Variants in REPS2 observed in about 807,000 individuals in gnomAD.
The protein encoded by REPS2 is RALBP1 associated Eps domain containing 2, also known as ralBP1-associated Eps domain-containing protein 2.
In REPS2, 23 loss-of-function variants were observed where a neutral mutation model predicts 53.6. The ratio of observed to expected loss-of-function variants is 0.43; its 90% CI spans 0.31 to 0.61. REPS2 has a LOEUF of 0.61. Among genes scored for constraint, REPS2 ranks in the 20% least tolerant of loss-of-function variants. REPS2 has a pLI of 0.11. For synonymous variants in REPS2, 238 were observed against 218.6 expected (o/e 1.09, Z -0.78); for missense variants, 446 against 534.9 (o/e 0.83, Z 1.64).
intron 1 of REPS2, among the ~76,000 whole-genome samples, chrX:16,981,944 C>T (rs777109992): frequency 9.0e-6 from 1 of 111,554 alleles, no homozygotes; most frequent in South Asian, 3.8e-4. Context: ...ACCTCATACG[C>T]TTTAGCAGTC....
rs145031353 is a variant in REPS2, at chrX:16,952,596, C to T, written c.273+5462C>T. ...TTTAAACAATTTGTGCGCATGCCCTCACCTTTGGGGAGAAGTCTTTTCTGA... is the reference window on the plus strand; with the variant it reads ...TTTAAACAATTTGTGCGCATGCCCTTACCTTTGGGGAGAAGTCTTTTCTGA... On this transcript the variant is annotated intron_variant, in intron 1 of 17. Coordinates refer to ENST00000357277, the MANE Select transcript of REPS2 (RefSeq NM_004726.3). Among the ~76,000 whole-genome samples, 552 of 112,009 alleles carry T rather than the reference C, an allele frequency of 4.9e-3. 5 individuals carry two copies. Among genetic ancestry groups the T allele is most frequent in the African/African-American group, 0.016 (505 of 30,836 alleles).
chrX:17,091,747 T>C (rs1257194739), intron 13 of REPS2, among the ~76,000 whole-genome samples: 1 of 110,808 alleles, frequency 9.0e-6, no homozygotes, highest in Non-Finnish European at 1.9e-5. Flanking sequence ...ATGACATACA[T>C]GTCCATCACT....
chrX:16,997,600 T>A (rs185879088), intron 1 of REPS2, among the ~76,000 whole-genome samples: 1 of 112,846 alleles, frequency 8.9e-6, no homozygotes, highest in Non-Finnish European at 1.9e-5. Context: ...ACAAAAGTCA[T>A]AAGAGATCAC....
chrX:17,026,000 A>G (rs1330763088), intron 4 of REPS2, among the ~76,000 whole-genome samples: 2 of 111,976 alleles, frequency 1.8e-5, no homozygotes, highest in Non-Finnish European at 3.8e-5. Flanking sequence ...TTTTTACTGC[A>G]TTAAAAATAG....
chrX:16,946,900 A>G lies in REPS2; in HGVS notation c.39A>G (p.Ala13=), dbSNP rs1047952328. The part of the protein sequence containing the change: ...AAAAAAAAAA[A]AAAAGGGCGS... ...CGGCGGCGGCGGCGGCGGCAGCGGC[A>G]GCGGCAGCGGCGGGCGGGGGCTGTG... Residue 13 remains alanine, a synonymous_variant, in exon 1 of 18, where the codon GCA becomes GCG. Coordinates refer to ENST00000357277, the MANE Select transcript of REPS2 (RefSeq NM_004726.3). 954 of 774,534 alleles carry G rather than the reference A, an allele frequency of 1.2e-3. 6 individuals carry two copies. The African/African-American group carries it at 0.021, about 17-fold the overall frequency. The allele number at this position is 774,534 out of a possible 1,213,427, so 63.8% of individuals were successfully genotyped here. A position where few individuals can be genotyped will look rare whatever the true frequency, so the allele number is the denominator to read the frequency against.
intron 1 of REPS2, among the ~76,000 whole-genome samples, chrX:16,949,568 C>T (rs778600304): frequency 7.2e-5 from 8 of 111,417 alleles, no homozygotes; most frequent in Non-Finnish European, 1.5e-4. Flanking sequence ...CCACCTCTCC[C>T]GGCTAATTTT....
At chrX:16,980,878 TAAGA>T (rs2061012679) in intron 1 of REPS2, among the ~76,000 whole-genome samples, 3 of 112,207 alleles carry the variant, frequency 2.7e-5, no homozygotes, top group Non-Finnish European at 3.8e-5. Flanking sequence ...GATCGCAGTT[TAAGA>T]AAGAGTTTCC....
intron 1 of REPS2, among the ~76,000 whole-genome samples, chrX:16,987,281 C>T (rs183005918): frequency 9.1e-6 from 1 of 110,280 alleles, no homozygotes. Context: ...CATGTAGCAC[C>T]TTGCTGCCCA....
chrX:16,981,743 G>A (rs1044783574), intron 1 of REPS2, among the ~76,000 whole-genome samples: 1 of 112,180 alleles, frequency 8.9e-6, no homozygotes, highest in Admixed American at 9.5e-5. Flanking sequence ...GAAAAAAAAG[G>A]ATGACAACAA....
chrX:16,949,861 T>C (rs889394990), intron 1 of REPS2, among the ~76,000 whole-genome samples: 3 of 111,429 alleles, frequency 2.7e-5, no homozygotes, highest in African/African-American at 9.8e-5. Flanking sequence ...GTTTTTACAA[T>C]TGATGAACCT....
At chrX:16,952,323 C>T (rs1415784765) in intron 1 of REPS2, among the ~76,000 whole-genome samples, 1 of 111,598 alleles carries the variant, frequency 9.0e-6, no homozygotes, top group Non-Finnish European at 1.9e-5. Flanking sequence ...TGAGAACATG[C>T]GGTGTTTGGT....
intron 10 of REPS2, among the ~76,000 whole-genome samples, 188 bp from the exon 11 acceptor site, chrX:17,069,752 C>T (rs112640825): frequency 3.6e-5 from 4 of 111,810 alleles, no homozygotes; most frequent in African/African-American, 1.3e-4. Context: ...TATTTCCATA[C>T]TCCAGGAGGT....
At chrX:17,029,174 G>A (rs2061679675) in intron 4 of REPS2, among the ~76,000 whole-genome samples, 2 of 111,308 alleles carry the variant, frequency 1.8e-5, no homozygotes, top group South Asian at 7.5e-4. Context: ...TACTTAGGGG[G>A]GATATATAGA....
At chrX:17,048,001 T>C (rs1300209746) in intron 6 of REPS2, among the ~76,000 whole-genome samples, 1 of 112,848 alleles carries the variant, frequency 8.9e-6, no homozygotes, top group Non-Finnish European at 1.9e-5. Context: ...TTCTGGGTTG[T>C]CTTCAGATAT....
intron 13 of REPS2, among the ~76,000 whole-genome samples, chrX:17,094,207 C>T (rs1305339012): frequency 1.8e-5 from 2 of 112,049 alleles, no homozygotes; most frequent in African/African-American, 6.5e-5. Flanking sequence ...ATCATGCAGG[C>T]TGCTAGTCTT....
chrX:17,101,668 G>A (rs1010761518), intron 13 of REPS2, among the ~76,000 whole-genome samples: 27 of 111,796 alleles, frequency 2.4e-4, no homozygotes, highest in African/African-American at 7.8e-4. Context: ...AATGAGATCC[G>A]AATCAGGATC....
rs900082438 is a variant in REPS2, at chrX:17,024,363, GTTTTTT to G, written c.547-677_547-672del. Among the ~76,000 whole-genome samples the G allele has an allele frequency of 6.7e-3, 480 of 71,675 alleles. 4 individuals carry two copies. The highest frequency in any genetic ancestry group is 0.021 in the African/African-American group (381 of 18,514). The allele number at this position is 71,675 out of a possible 115,157, so 62.2% of individuals were successfully genotyped here. ...CCAAAGTTACCAGTCTACTAGTAAA[GTTTTTT>G]TTTTTTTTTTTTTTTTTTAAAGAGG... is the stretch of plus-strand genomic sequence containing the variant. On this transcript the variant is annotated intron_variant, in intron 3 of 17. Transcript: ENST00000357277.
chrX:17,008,554 G>A (rs2061389756), intron 2 of REPS2, among the ~76,000 whole-genome samples: 1 of 111,747 alleles, frequency 8.9e-6, no homozygotes, highest in African/African-American at 3.3e-5. Flanking sequence ...AGTTAATTCT[G>A]AATTATCTTC....
At chrX:17,029,308 A>G (rs893014347) in intron 4 of REPS2, among the ~76,000 whole-genome samples, 1 of 112,110 alleles carries the variant, frequency 8.9e-6, no homozygotes, top group Non-Finnish European at 1.9e-5. Context: ...CCCAGTGTAA[A>G]TATTTTTCTG....
Sources: allele counts gnomAD v4.1 joint callset (sites outside exome capture counted in the v4.1 genomes callset), GRCh38; gene constraint gnomAD v4.1.1; transcripts MANE v1.5; gene names NCBI Gene and HGNC (gene_info 2026-07-23, HGNC 2026-07-21).